The following FRMD4B variants were observed in gnomAD, a reference collection of about 807,000 sequenced individuals.
FRMD4B encodes the protein FERM domain-containing protein 4B.
A neutral mutation model predicts 141.5 loss-of-function variants in FRMD4B; 74 were observed. The ratio of observed to expected loss-of-function variants is 0.52; its 90% CI spans 0.43 to 0.63. FRMD4B has a LOEUF of 0.63. Ranked by LOEUF, FRMD4B falls within the 30% of genes least tolerant of loss-of-function variation. The pLI is 0.00. For missense variants in FRMD4B, 1,366 were observed against 1,253.4 expected (o/e 1.09, Z -1.36); for synonymous variants, 506 against 467.9 (o/e 1.08, Z -1.05).
At chr3:69,238,417 T>G (rs1480631715) in intron 7 of FRMD4B, among the ~76,000 whole-genome samples, 1 of 152,186 alleles carries the variant, frequency 6.6e-6, no homozygotes, top group East Asian at 1.9e-4. Flanking sequence ...ATACAAATAG[T>G]GACCTGTTGC....
chr3:69,302,233 A>C (rs1228675117), intron 4 of FRMD4B, 110 bp downstream of exon 4: 6 of 679,656 alleles, frequency 8.8e-6, no homozygotes, highest in South Asian at 1.7e-5. Context: ...TTCTCTTTTT[A>C]TTTGCTATCT....
intron 5 of FRMD4B, among the ~76,000 whole-genome samples, chr3:69,262,816 T>C (rs1328467408): frequency 6.6e-6 from 1 of 151,788 alleles, no homozygotes; most frequent in Non-Finnish European, 1.5e-5. Flanking sequence ...GCAGTGAAAA[T>C]GAACAAGCTG....
At chr3:69,202,153 A>C (rs2092974037) in intron 11 of FRMD4B, among the ~76,000 whole-genome samples, 1 of 152,074 alleles carries the variant, frequency 6.6e-6, no homozygotes, top group South Asian at 2.1e-4. Context: ...CAGTGAGCCG[A>C]GATCGCACCA....
intron 11 of FRMD4B, among the ~76,000 whole-genome samples, chr3:69,209,592 G>A (rs2093056421): frequency 6.6e-6 from 1 of 152,152 alleles, no homozygotes; most frequent in African/African-American, 2.4e-5. Context: ...GCTGGTAAGT[G>A]GAAATGCAGA....
chr3:69,216,830 T>C (rs966896490), intron 10 of FRMD4B, among the ~76,000 whole-genome samples: 3 of 152,182 alleles, frequency 2.0e-5, no homozygotes, highest in Non-Finnish European at 2.9e-5. Context: ...ACTTGGAGTT[T>C]CTTCAAATAA....
At chr3:69,299,800 C>T (rs539160825) in intron 4 of FRMD4B, among the ~76,000 whole-genome samples, 42 of 152,158 alleles carry the variant, frequency 2.8e-4, no homozygotes, top group African/African-American at 9.4e-4. Context: ...TTTCATTGTG[C>T]ATTAACTATT....
Position 69,213,282 on chromosome 3 carries a change from C to T in FRMD4B, c.876+2981G>A, listed in dbSNP as rs541026287. ...TGTCATGGAGGAAAAATGGGGATTG[C>T]AGAAGACTTCTTCCCCTAAAGCATT... On this transcript the variant is annotated intron_variant, in intron 11 of 22. Coordinates refer to ENST00000398540, the MANE Select transcript of FRMD4B (RefSeq NM_015123.3). Among the ~76,000 whole-genome samples the T allele has an allele frequency of 3.3e-5, 5 of 150,520 alleles. No homozygotes were observed. The South Asian group carries it at 1.0e-3, about 31-fold the overall frequency.
At chr3:69,461,623 C>CAATA (rs765762450) in intron 1 of FRMD4B, among the ~76,000 whole-genome samples, 3 of 43,464 alleles carry the variant, frequency 6.9e-5, no homozygotes, top group Non-Finnish European at 8.0e-5. Context: ...GACTCTGTCT[C>CAATA]AAAAAAAAAA....
intron 2 of FRMD4B, among the ~76,000 whole-genome samples, chr3:69,418,742 A>C (rs11925081): frequency 0.041 from 6,263 of 152,168 alleles, 356 homozygotes; most frequent in African/African-American, 0.13. Flanking sequence ...AGCTCTGGCC[A>C]ACATCTTAAT....
intron 2 of FRMD4B, among the ~76,000 whole-genome samples, chr3:69,398,340 G>T (rs1380194480): frequency 6.6e-6 from 1 of 152,124 alleles, no homozygotes; most frequent in Non-Finnish European, 1.5e-5. Context: ...ACAATGTGTA[G>T]TGATCAGATG....
intron 1 of FRMD4B, among the ~76,000 whole-genome samples, chr3:69,522,438 A>G (rs1267630327): frequency 6.6e-6 from 1 of 152,058 alleles, no homozygotes; most frequent in African/African-American, 2.4e-5. Context: ...AACATTTAAC[A>G]CTTCTATCCA....
chr3:69,173,759 T>C (rs2092613176), intron 22 of FRMD4B, among the ~76,000 whole-genome samples: 1 of 152,228 alleles, frequency 6.6e-6, no homozygotes, highest in Non-Finnish European at 1.5e-5. Context: ...CACTTTTCAA[T>C]TTAATCCATT....
At chr3:69,295,446 T>C (rs1246425101) in intron 4 of FRMD4B, among the ~76,000 whole-genome samples, 2 of 151,932 alleles carry the variant, frequency 1.3e-5, no homozygotes, top group Admixed American at 6.5e-5. Context: ...CTCAGCCTCC[T>C]GAGTAGCTGT....
intron 1 of FRMD4B, among the ~76,000 whole-genome samples, chr3:69,370,256 A>G (rs1257389227): frequency 6.6e-6 from 1 of 152,154 alleles, no homozygotes; most frequent in Non-Finnish European, 1.5e-5. Flanking sequence ...AAAAAAAGAG[A>G]GCAAACGGTC....
intron 1 of FRMD4B, among the ~76,000 whole-genome samples, chr3:69,352,515 T>G (rs1474502317): frequency 6.6e-6 from 1 of 152,186 alleles, no homozygotes; most frequent in Admixed American, 6.5e-5. Flanking sequence ...AGTTTTGCAG[T>G]CTACTGGATG....
intron 7 of FRMD4B, among the ~76,000 whole-genome samples, chr3:69,238,965 T>C (rs996207644): frequency 6.6e-6 from 1 of 152,218 alleles, no homozygotes; most frequent in Non-Finnish European, 1.5e-5. Flanking sequence ...TTGGACATAC[T>C]TATACTAAAA....
At chr3:69,435,113 T>C (rs1559526933) in intron 1 of FRMD4B, among the ~76,000 whole-genome samples, 5 of 152,136 alleles carry the variant, frequency 3.3e-5, no homozygotes. Flanking sequence ...AGAGACCCTA[T>C]CCACATGCAC....
intron 2 of FRMD4B, among the ~76,000 whole-genome samples, chr3:69,424,643 C>A (rs1705047111): frequency 6.6e-6 from 1 of 152,084 alleles, no homozygotes; most frequent in Non-Finnish European, 1.5e-5. Flanking sequence ...AAATATTAAA[C>A]AAATGAGATA....
intron 1 of FRMD4B, among the ~76,000 whole-genome samples, chr3:69,489,191 G>T (rs529709043): frequency 5.9e-5 from 9 of 151,278 alleles, no homozygotes; most frequent in Admixed American, 3.3e-4. Context: ...ATCTTAATAC[G>T]ATGACAAATC....
Sources: allele counts gnomAD v4.1 joint callset (sites outside exome capture counted in the v4.1 genomes callset), GRCh38; gene constraint gnomAD v4.1.1; transcripts MANE v1.5; gene names NCBI Gene and HGNC (gene_info 2026-07-23, HGNC 2026-07-21).